The following WAPL variants were observed in gnomAD, a reference collection of about 807,000 sequenced individuals.
The protein encoded by WAPL is wings apart-like protein homolog.
A neutral mutation model predicts 121.0 loss-of-function variants in WAPL; 5 were observed. The ratio of observed to expected loss-of-function variants is 0.04; its 90% CI spans 0.02 to 0.09. WAPL has a LOEUF of 0.09. WAPL is among the 10% of genes least tolerant of loss of function. The probability of loss-of-function intolerance (pLI) is 1.00; values close to 1 mark genes in which losing one functional copy is unlikely to be tolerated. For synonymous variants in WAPL, 480 were observed against 481.5 expected (o/e 1.00, Z 0.04); for missense variants, 999 against 1,410.8 (o/e 0.71, Z 4.68).
At chr10:86,483,449 A>G (rs1208211757) in intron 4 of WAPL, among the ~76,000 whole-genome samples, 3 of 152,158 alleles carry the variant, frequency 2.0e-5, no homozygotes, top group Admixed American at 2.0e-4. Flanking sequence ...TAGCACATAC[A>G]ATTAGATACA....
chr10:86,502,307 T>C (rs908764586), intron 2 of WAPL, among the ~76,000 whole-genome samples: 1 of 152,178 alleles, frequency 6.6e-6, no homozygotes, highest in Non-Finnish European at 1.5e-5. Context: ...ATGGATGCTC[T>C]TAGAGATGGA....
chr10:86,471,082 T>C lies in WAPL; in HGVS notation c.2052A>G (p.Lys684=). The change falls in exon 8 of 19, where the codon AAA becomes AAG. Residue 684 remains lysine (K), a synonymous_variant. Transcript: ENST00000298767. ...GCATTCGAAAACTGGGCATGGCACA[T>C]TTAGTAGCCAAGCTAATAACACTAC... ...RCLSVISLAT[K]CAMPSFRMHL... is the part of the protein sequence containing the mutation. 1 of 1,613,824 alleles carries C rather than the reference T, an allele frequency of 6.2e-7. No individual in the cohort carries two copies.
intron 2 of WAPL, among the ~76,000 whole-genome samples, chr10:86,503,874 A>G (rs972637375): frequency 6.6e-6 from 1 of 152,246 alleles, no homozygotes; most frequent in Non-Finnish European, 1.5e-5. Flanking sequence ...GTCCCAGTAG[A>G]AAATGGCGCT....
chr10:86,446,976 ATC>A (rs746663604), intron 15 of WAPL, among the ~76,000 whole-genome samples: 7 of 152,358 alleles, frequency 4.6e-5, no homozygotes, highest in South Asian at 2.1e-4. Context: ...ATAAAATAAT[ATC>A]TTTCAGAAAA....
intron 14 of WAPL, 31 bp downstream of exon 14, chr10:86,453,189 A>C: frequency 6.3e-7 from 1 of 1,589,784 alleles, no homozygotes; most frequent in Non-Finnish European, 8.6e-7. Context: ...TAGATATGAT[A>C]CTCATTTCTG....
At chr10:86,490,565 T>C (rs1842024685) in intron 4 of WAPL, among the ~76,000 whole-genome samples, 1 of 152,124 alleles carries the variant, frequency 6.6e-6, no homozygotes, top group Non-Finnish European at 1.5e-5. Context: ...AGAATTAACA[T>C]ATAAGCAGAC....
intron 4 of WAPL, among the ~76,000 whole-genome samples, chr10:86,478,954 G>A (rs190116349): frequency 2.0e-3 from 310 of 152,020 alleles, no homozygotes; most frequent in African/African-American, 6.8e-3. Context: ...AAAATTAGCC[G>A]GGTGTGGTGG....
chr10:86,451,922 C>T, intron 15 of WAPL, 45 bp downstream of exon 15: 1 of 1,596,752 alleles, frequency 6.3e-7, no homozygotes, highest in South Asian at 1.1e-5. Flanking sequence ...TTGGACAAAT[C>T]CAACAAACTG....
rs779848634 is a variant in WAPL at position 86,467,546 on chromosome 10, GT to G, written c.2143-41del. Reference sequence around the variant, plus strand: ...AAAAAGAAAAGAAAAAAAACTTCATGTAAGCAACTCCTGACATCTCAGGAAA... The same window carrying G: ...AAAAAGAAAAGAAAAAAAACTTCATGAAGCAACTCCTGACATCTCAGGAAA... On this transcript the variant is annotated intron_variant, in intron 8 of 18. Coordinates refer to ENST00000298767, the MANE Select transcript of WAPL (RefSeq NM_015045.5). 1.6e-4 allele frequency: 229 copies of G among 1,454,392 alleles called. 2 individuals carry two copies. The highest frequency in any genetic ancestry group is 1.1e-3 in the South Asian group (87 of 79,680). 90.1% of individuals were successfully genotyped at this position (1,454,392 alleles called of 1,614,324 possible). A position where few individuals can be genotyped will look rare whatever the true frequency, so the allele number is the denominator to read the frequency against.
Position 86,518,095 on chromosome 10 carries a change from T to TG in WAPL, c.-22-5dup. 2 of 1,592,222 alleles carry TG rather than the reference T, an allele frequency of 1.3e-6. No individual in the cohort carries two copies. The highest frequency in any genetic ancestry group is 1.7e-6 in the Non-Finnish European group (2 of 1,170,894). ...TTTGACACCAGTTTCATATTCTCTG[T>TG]GAAAAAAAATTTAAGAAAACATATA... is the stretch of plus-strand genomic sequence containing the variant. On this transcript the variant is annotated splice_region_variant and splice_polypyrimidine_tract_variant and intron_variant, in intron 1 of 18. Coordinates refer to ENST00000298767, the MANE Select transcript of WAPL (RefSeq NM_015045.5).
chr10:86,475,538 A>T (rs889475232), intron 4 of WAPL, among the ~76,000 whole-genome samples: 2 of 152,226 alleles, frequency 1.3e-5, no homozygotes, highest in African/African-American at 2.4e-5. Flanking sequence ...AAGTGGAAAA[A>T]TTCTCATTTG....
Position 86,479,420 on chromosome 10 carries a change from A to G in WAPL, c.1645-5447T>C, listed in dbSNP as rs566547659. On this transcript the variant is annotated intron_variant, in intron 4 of 18. Transcript: ENST00000298767. ...TTACAAGCGCCAGCACGCCTGGCTA[A>G]TTTTTGTATTTCTAGTAGAGATGGG... 3.3e-5 allele frequency among the ~76,000 whole-genome samples: 5 copies of G among 152,174 alleles called. No individual in the cohort carries two copies. The South Asian group carries it at 1.0e-3, about 32-fold the overall frequency.
chr10:86,521,163 A>G (rs116108978), intron 1 of WAPL, among the ~76,000 whole-genome samples: 2 of 151,782 alleles, frequency 1.3e-5, no homozygotes, highest in Non-Finnish European at 2.9e-5. Flanking sequence ...GAGCTAAGTC[A>G]ATCAGCAGTC....
Position 86,446,275 on chromosome 10 carries a change from CCTT to C in WAPL, c.3286_3288del (p.Lys1096del), listed in dbSNP as rs762861872. ...AGGTCAAGTTCTTCATCCTCCTCCT[CCTT>C]CTTATGTTTCTCTTCTGTACCATCA... On this transcript the variant is annotated inframe_deletion, in exon 16 of 19. Coordinates refer to ENST00000298767, the MANE Select transcript of WAPL (RefSeq NM_015045.5). The C allele has an allele frequency of 7.0e-5, 113 of 1,614,054 alleles. 1 individual carries two copies. Among genetic ancestry groups the C allele is most frequent in the Admixed American group, 4.8e-4 (29 of 60,000 alleles).
At chr10:86,499,200 T>C (rs762775793) in intron 3 of WAPL, among the ~76,000 whole-genome samples, 4 of 152,194 alleles carry the variant, frequency 2.6e-5, no homozygotes, top group Admixed American at 6.5e-5. Context: ...AATCTACAAA[T>C]TGGTTCCTTA....
At chr10:86,479,057 C>A (rs1159885555) in intron 4 of WAPL, among the ~76,000 whole-genome samples, 2 of 151,956 alleles carry the variant, frequency 1.3e-5, no homozygotes, top group Admixed American at 6.6e-5. Flanking sequence ...CAAGACTGCA[C>A]CACTGCACTA....
chr10:86,473,431 C>G (rs1841579559), intron 5 of WAPL, among the ~76,000 whole-genome samples: 1 of 152,146 alleles, frequency 6.6e-6, no homozygotes, highest in Admixed American at 6.5e-5. Context: ...TGCTAAGAAT[C>G]TTTTTCCTAA....
At chr10:86,453,017 C>CAAAAAAAAAAAAAA (rs34469657) in intron 14 of WAPL, among the ~76,000 whole-genome samples, 1 of 58,234 alleles carries the variant, frequency 1.7e-5, no homozygotes, top group African/African-American at 5.5e-5. Context: ...CTCCATCTCC[C>CAAAAAAAAAAAAAA]AAAAAAAAAA....
intron 4 of WAPL, among the ~76,000 whole-genome samples, chr10:86,483,351 C>A (rs556866521): frequency 6.6e-6 from 1 of 151,382 alleles, no homozygotes; most frequent in East Asian, 1.9e-4. Context: ...ACCTGCGAGG[C>A]GGAGGTTGCG....
Sources: allele counts gnomAD v4.1 joint callset (sites outside exome capture counted in the v4.1 genomes callset), GRCh38; gene constraint gnomAD v4.1.1; transcripts MANE v1.5; gene names NCBI Gene and HGNC (gene_info 2026-07-23, HGNC 2026-07-21).